Variants in MYO3B observed in about 807,000 individuals in gnomAD.
MYO3B encodes the protein myosin-IIIb.
In MYO3B, 156 loss-of-function variants were observed where a neutral mutation model predicts 174.6. The ratio of observed to expected loss-of-function variants is 0.89; its 90% CI spans 0.78 to 1.02. MYO3B has a LOEUF of 1.02. Among genes scored for constraint, MYO3B ranks in the 50% least tolerant of loss-of-function variants. The pLI, the probability that MYO3B is intolerant of heterozygous loss-of-function variation, is 0.00. For missense variants in MYO3B, 1,632 were observed against 1,639.4 expected (o/e 1.00, Z 0.08); for synonymous variants, 563 against 569.1 (o/e 0.99, Z 0.15).
chr2:170,414,408 C>T (rs554434096), intron 22 of MYO3B, among the ~76,000 whole-genome samples: 15 of 152,096 alleles, frequency 9.9e-5, no homozygotes, highest in African/African-American at 2.7e-4. Flanking sequence ...AGGCTGGTCT[C>T]GAACTCCTGA....
intron 28 of MYO3B, among the ~76,000 whole-genome samples, chr2:170,512,734 A>T (rs572186488): frequency 2.0e-5 from 3 of 152,006 alleles, no homozygotes; most frequent in Non-Finnish European, 2.9e-5. Context: ...ATAAAGGGGG[A>T]AAAAAAAGGA....
intron 8 of MYO3B, among the ~76,000 whole-genome samples, chr2:170,348,991 T>C (rs1419289527): frequency 6.6e-6 from 1 of 152,182 alleles, no homozygotes; most frequent in Non-Finnish European, 1.5e-5. Context: ...TCACAAATTA[T>C]CCTGCACAAA....
At chr2:170,591,179 A>G (rs924555145) in intron 32 of MYO3B, among the ~76,000 whole-genome samples, 1 of 152,176 alleles carries the variant, frequency 6.6e-6, no homozygotes, top group African/African-American at 2.4e-5. Context: ...TTATTAATTT[A>G]GGTTTTTGAT....
rs367761927 is a variant in MYO3B, at chr2:170,374,673, C to T, written c.971+5296C>T. ...CTGTCTCACCTCTCCTGGGTCTAAC[C>T]ATTCAGGCTTTTCTGAGTGCTTTTT... On this transcript the variant is annotated intron_variant, in intron 9 of 34. Transcript: ENST00000408978. 5.5e-4 allele frequency among the ~76,000 whole-genome samples: 83 copies of T among 151,896 alleles called. 2 individuals are homozygous for T. The highest frequency in any genetic ancestry group is 2.0e-3 in the African/African-American group (82 of 41,400).
chr2:170,248,937 A>G (rs1021834105), intron 7 of MYO3B, among the ~76,000 whole-genome samples: 7 of 152,226 alleles, frequency 4.6e-5, no homozygotes, highest in African/African-American at 1.7e-4. Flanking sequence ...GAAACCTTCA[A>G]GAGCGTGCTC....
At chr2:170,228,634 G>A (rs975091649) in intron 6 of MYO3B, among the ~76,000 whole-genome samples, 7 of 152,242 alleles carry the variant, frequency 4.6e-5, no homozygotes, top group South Asian at 2.1e-4. Context: ...AACCCAGAGT[G>A]AGTTCCTCTT....
At chr2:170,647,897 T>C (rs986490369) in intron 32 of MYO3B, 2 of 152,318 alleles carry the variant, frequency 1.3e-5, no homozygotes, top group Non-Finnish European at 2.9e-5. Flanking sequence ...GAAGTCCAGC[T>C]GAACTAGGCT....
At chr2:170,291,052 C>T (rs940384557) in intron 7 of MYO3B, among the ~76,000 whole-genome samples, 1 of 152,046 alleles carries the variant, frequency 6.6e-6, no homozygotes, top group Non-Finnish European at 1.5e-5. Flanking sequence ...AGTTCGAGAC[C>T]AGCCTGGCCA....
At chr2:170,530,142 T>C (rs551558099) in intron 30 of MYO3B, among the ~76,000 whole-genome samples, 14 of 152,158 alleles carry the variant, frequency 9.2e-5, no homozygotes, top group Non-Finnish European at 1.6e-4. Flanking sequence ...CCTTGATGAA[T>C]AGACAAAACA....
At chr2:170,543,097 A>C in intron 31 of MYO3B, 131 bp downstream of exon 31, 1 of 717,608 alleles carries the variant, frequency 1.4e-6, no homozygotes, top group South Asian at 2.5e-5. Context: ...TGATATTTTG[A>C]AGTCTTTGAG....
At chr2:170,410,018 C>G (rs1341002536) in intron 22 of MYO3B, among the ~76,000 whole-genome samples, 1 of 152,206 alleles carries the variant, frequency 6.6e-6, no homozygotes, top group Non-Finnish European at 1.5e-5. Context: ...GCATGTCCCT[C>G]TCGTGAAGGG....
intron 30 of MYO3B, among the ~76,000 whole-genome samples, chr2:170,537,459 T>G: frequency 1.3e-5 from 1 of 74,978 alleles, no homozygotes; most frequent in African/African-American, 5.0e-5. Context: ...TTTTTTTTTT[T>G]TTTTTTTTTT....
intron 28 of MYO3B, among the ~76,000 whole-genome samples, chr2:170,509,231 C>T (rs1245656394): frequency 1.3e-5 from 2 of 152,262 alleles, no homozygotes; most frequent in South Asian, 2.1e-4. Flanking sequence ...GTGGCGCATG[C>T]CTGTAATCCC....
At chr2:170,254,678 A>G (rs942309038) in intron 7 of MYO3B, among the ~76,000 whole-genome samples, 5 of 152,132 alleles carry the variant, frequency 3.3e-5, no homozygotes, top group African/African-American at 9.7e-5. Flanking sequence ...CCACCCAGGG[A>G]TATTGAGCTG....
intron 7 of MYO3B, among the ~76,000 whole-genome samples, chr2:170,294,890 A>G (rs893113070): frequency 6.6e-6 from 1 of 152,146 alleles, no homozygotes; most frequent in African/African-American, 2.4e-5. Context: ...TAGGGGATAT[A>G]TGAGAAATTG....
chr2:170,653,331 C>A lies in MYO3B; in HGVS notation c.*210C>A. On this transcript the variant is annotated 3_prime_UTR_variant, in exon 35 of 35. Coordinates refer to ENST00000408978, the MANE Select transcript of MYO3B (RefSeq NM_138995.5). ...TGTGTTGTGCAGCCTGAGCTGGGCGCTGCCTTCCTTTCTCATCCCATGGGG... is the reference window on the plus strand; with the variant it reads ...TGTGTTGTGCAGCCTGAGCTGGGCGATGCCTTCCTTTCTCATCCCATGGGG... The A allele has an allele frequency of 1.7e-6, 1 of 586,406 alleles. No individual in the cohort carries two copies. The highest frequency in any genetic ancestry group is 3.0e-5 in the Admixed American group (1 of 33,220). The allele number at this position is 586,406 out of a possible 1,614,324, so 36.3% of individuals were successfully genotyped here.
chr2:170,576,066 T>G (rs1305799501), intron 32 of MYO3B, among the ~76,000 whole-genome samples: 2 of 152,198 alleles, frequency 1.3e-5, no homozygotes, highest in Non-Finnish European at 2.9e-5. Flanking sequence ...CCCTATGCAG[T>G]GCTCTTTCTT....
chr2:170,649,085 T>TAATATATAATGTATATTATATATAAAAC (rs1559200951), intron 32 of MYO3B, among the ~76,000 whole-genome samples: 2,337 of 75,954 alleles, frequency 0.031, 204 homozygotes, highest in Admixed American at 0.063. Flanking sequence ...ATATATAAAA[T>TAATATATAATGTATATTATATATAAAAC]AATATATAAT....
chr2:170,386,140 T>C, intron 12 of MYO3B, 49 bp from the exon 13 acceptor site: 1 of 1,508,058 alleles, frequency 6.6e-7, no homozygotes, highest in East Asian at 2.3e-5. Context: ...GCATGCAAGT[T>C]GCTTCTGTGC....
Sources: allele counts gnomAD v4.1 joint callset (sites outside exome capture counted in the v4.1 genomes callset), GRCh38; gene constraint gnomAD v4.1.1; transcripts MANE v1.5; gene names NCBI Gene and HGNC (gene_info 2026-07-23, HGNC 2026-07-21).